HELLS: variants seen among roughly 807,000 people sequenced by gnomAD.
The protein encoded by HELLS is lymphoid-specific helicase.
In HELLS, 32 loss-of-function variants were observed where a neutral mutation model predicts 120.0. That is an observed-to-expected ratio of 0.27 (90% CI 0.20 to 0.36). HELLS has a LOEUF of 0.36. Among genes scored for constraint, HELLS ranks in the 10% least tolerant of loss-of-function variants. The pLI is 1.00. For synonymous variants in HELLS, 341 were observed against 323.4 expected (o/e 1.05, Z -0.58); for missense variants, 650 against 993.4 (o/e 0.65, Z 4.65).
exon 10 of HELLS, chr10:94,611,407 A>G (rs759083979): frequency 6.6e-5 from 10 of 151,456 alleles, no homozygotes; most frequent in Non-Finnish European, 1.5e-4. Flanking sequence ...CACCACCACT[A>G]CTACATTTTA....
At position 94,590,421 on chromosome 10, in the gene HELLS, A is replaced by G; in HGVS notation, c.1497A>G (p.Thr499=). 6.3e-7 allele frequency: 1 copy of G among 1,599,982 alleles called. No individual in the cohort carries two copies. Among genetic ancestry groups the G allele is most frequent in the Non-Finnish European group, 8.5e-7 (1 of 1,176,950 alleles). ...AATTCGTTCCCTTTTAGAAAGAAAC[A>G]ATTGAGTTAAGTCCTACTGGTCGAC... is the stretch of plus-strand genomic sequence containing the variant. ...ANMFGSSEKE[T]IELSPTGRPK... Residue 499 remains threonine (T), a synonymous_variant, in exon 14 of 22, where the codon ACA becomes ACG. Coordinates refer to ENST00000348459, the MANE Select transcript of HELLS (RefSeq NM_018063.5).
intron 4 of HELLS, among the ~76,000 whole-genome samples, chr10:94,559,882 T>G (rs1843465621): frequency 1.3e-5 from 2 of 152,210 alleles, no homozygotes; most frequent in Admixed American, 1.3e-4. Context: ...GTATTTTTCC[T>G]AGGGGCAATA....
intron 10 of HELLS, among the ~76,000 whole-genome samples, chr10:94,581,115 T>G (rs1458686304): frequency 6.6e-6 from 1 of 152,214 alleles, no homozygotes; most frequent in Non-Finnish European, 1.5e-5. Flanking sequence ...CATATTTTAG[T>G]AGGTCTCTTC....
chr10:94,567,088 C>G (rs2134031653), intron 6 of HELLS, among the ~76,000 whole-genome samples: 1 of 152,300 alleles, frequency 6.6e-6, no homozygotes, highest in East Asian at 1.9e-4. Flanking sequence ...TGAAGAATCT[C>G]TAAATCTGTG....
At chr10:94,586,410 C>T (rs571308727) in intron 12 of HELLS, among the ~76,000 whole-genome samples, 17 of 152,184 alleles carry the variant, frequency 1.1e-4, no homozygotes, top group Admixed American at 7.8e-4. Context: ...CGTGAGCCAC[C>T]GCGCCCGGCC....
exon 10 of HELLS, chr10:94,610,518 A>C (rs1313351856): frequency 6.6e-6 from 1 of 152,222 alleles, no homozygotes. Flanking sequence ...AGAGCAAATA[A>C]GAGCATCAAA....
intron 7 of HELLS, 36 bp from the exon 8 acceptor site, chr10:94,573,924 G>T (rs748576417): frequency 1.9e-5 from 23 of 1,225,504 alleles, no homozygotes; most frequent in Non-Finnish European, 2.7e-5. Context: ...GCAGCATTTT[G>T]TATAACACAT....
chr10:94,605,152 G>A (rs1334455192), downstream of HELLS, among the ~76,000 whole-genome samples: 1 of 140,434 alleles, frequency 7.1e-6, no homozygotes, highest in Non-Finnish European at 1.5e-5. Context: ...GCTTGATCTC[G>A]GCTCACTGCA....
In HELLS at chr10:94,547,105, A is replaced by G. The variant is rs145325907; in HGVS notation, c.153+607A>G. 3.5e-3 allele frequency among the ~76,000 whole-genome samples: 540 copies of G among 152,284 alleles called. 2 individuals carry two copies. The highest frequency in any genetic ancestry group is 0.012 in the African/African-American group (515 of 41,554). ...ACAAGTTGCTGTAGTTTTCTTGTAGAGAGCATTTTGTAAGTTACTAAAAAC... is the reference window on the plus strand; with the variant it reads ...ACAAGTTGCTGTAGTTTTCTTGTAGGGAGCATTTTGTAAGTTACTAAAAAC... On this transcript the variant is annotated intron_variant, in intron 2 of 21. Transcript: ENST00000348459.
At chr10:94,571,552 A>G (rs1386626190) in intron 7 of HELLS, 123 bp downstream of exon 7, 1 of 730,488 alleles carries the variant, frequency 1.4e-6, no homozygotes, top group Non-Finnish European at 2.0e-6. Context: ...TGCTTTAAAA[A>G]AAAATACCTA....
At chr10:94,571,466 CAT>C (rs1455817361) in intron 7 of HELLS, 37 bp downstream of exon 7, 1 of 1,422,078 alleles carries the variant, frequency 7.0e-7, no homozygotes, top group Admixed American at 1.9e-5. Flanking sequence ...GTTTAGAAGT[CAT>C]ATTTACTCCT....
Position 94,581,325 on chromosome 10 carries a change from G to T in HELLS, c.1033-1G>T. 1 of 1,516,642 alleles carries T rather than the reference G, an allele frequency of 6.6e-7. No individual in the cohort carries two copies. The highest frequency in any genetic ancestry group is 1.3e-5 in the South Asian group (1 of 77,010). The allele number at this position is 1,516,642 out of a possible 1,614,324, so 93.9% of individuals were successfully genotyped here. A position where few individuals can be genotyped will look rare whatever the true frequency, so the allele number is the denominator to read the frequency against. ...ATCTTTTTCCTCAATTCGTTTTCTA[G>T]CATTGCTATTGGAAATACTTAATAG... On this transcript the variant is annotated splice_acceptor_variant, in intron 10 of 21. Transcript: ENST00000348459. LOFTEE classifies it high-confidence loss of function.
At chr10:94,605,122 G>A (rs1303981682), downstream of HELLS, among the ~76,000 whole-genome samples, 2 of 119,478 alleles carry the variant, frequency 1.7e-5, no homozygotes, top group Non-Finnish European at 1.6e-5. Flanking sequence ...CACTCTTGTT[G>A]CCCAGGCTGG....
chr10:94,563,174 C>T (rs1843635108), intron 6 of HELLS, among the ~76,000 whole-genome samples: 1 of 151,702 alleles, frequency 6.6e-6, no homozygotes, highest in South Asian at 2.1e-4. Flanking sequence ...CTGCTCACTG[C>T]AACCTCCACC....
chr10:94,574,139 T>A lies in HELLS; in HGVS notation c.657T>A (p.Thr219=), dbSNP rs763821157. The change falls in exon 8 of 22, where the codon ACT becomes ACA. Residue 219 remains threonine (T), a synonymous_variant. Coordinates refer to ENST00000348459, the MANE Select transcript of HELLS (RefSeq NM_018063.5). Reference sequence around the variant, plus strand: ...CTTTTCAACAACCAAAGCACTTCACTGGAGGAGTGATGCGATGGTACCAAG... The same window carrying A: ...CTTTTCAACAACCAAAGCACTTCACAGGAGGAGTGATGCGATGGTACCAAG... The part of the protein sequence containing the change: ...PVPFQQPKHF[T]GGVMRWYQVE... The A allele has an allele frequency of 6.2e-7, 1 of 1,614,072 alleles. No individual in the cohort carries two copies. Among genetic ancestry groups the A allele is most frequent in the African/African-American group, 1.3e-5 (1 of 75,032 alleles).
intron 9 of HELLS, among the ~76,000 whole-genome samples, chr10:94,575,946 C>T (rs1376610410): frequency 2.0e-5 from 3 of 151,848 alleles, no homozygotes; most frequent in African/African-American, 4.8e-5. Flanking sequence ...TACGGGCGTG[C>T]GCCACCACGC....
rs1844521752 is a variant in HELLS, at chr10:94,576,965, T to G, written c.1032+160T>G. On this transcript the variant is annotated intron_variant, in intron 10 of 21. Transcript: ENST00000348459. ...ACCTGTAGAAGCTGGAAACTTTTAT[T>G]AACAGAATGATTGGGATGAAGGCCA... 42 of 625,658 alleles carry G rather than the reference T, an allele frequency of 6.7e-5. 1 individual carries two copies. In the South Asian group the frequency reaches 8.5e-4, roughly 13 times the overall value. 38.8% of individuals were successfully genotyped at this position (625,658 alleles called of 1,614,324 possible).
intron 12 of HELLS, 96 bp downstream of exon 12, chr10:94,583,155 T>G (rs1210076831): frequency 1.8e-6 from 1 of 552,942 alleles, no homozygotes; most frequent in African/African-American, 1.9e-5. Context: ...AGTAGAGATT[T>G]GAAAAATGAA....
intron 15 of HELLS, 77 bp from the exon 16 acceptor site, chr10:94,592,152 C>T: frequency 3.5e-6 from 4 of 1,126,814 alleles, no homozygotes; most frequent in Non-Finnish European, 5.1e-6. Context: ...GAAAATTGAA[C>T]TTTCCAAATG....
Sources: gnomAD v4.1 joint callset for allele counts (sites outside exome capture counted in the v4.1 genomes callset) on GRCh38, gnomAD v4.1.1 for gene constraint, MANE v1.5 for transcripts, NCBI Gene and HGNC (gene_info 2026-07-23, HGNC 2026-07-21) for gene names.